CACNA2D1: variants seen among roughly 807,000 people sequenced by gnomAD.
CACNA2D1 encodes the protein calcium voltage-gated channel auxiliary subunit alpha2delta 1.
A neutral mutation model predicts 171.5 loss-of-function variants in CACNA2D1; 53 were observed. The observed-to-expected ratio is 0.31, with a 90% confidence interval of 0.25 to 0.39. CACNA2D1 has a LOEUF of 0.39. Among genes scored for constraint, CACNA2D1 ranks in the 10% least tolerant of loss-of-function variants. CACNA2D1 has a pLI of 1.00. For missense variants in CACNA2D1, 903 were observed against 1,299.8 expected, an observed-to-expected ratio of 0.69 and a Z score of 4.69; for synonymous variants, 442 against 443.1, an observed-to-expected ratio of 1.00 and a Z score of 0.03.
intron 1 of CACNA2D1, among the ~76,000 whole-genome samples, chr7:82,387,677 A>C (rs1173135942): frequency 6.6e-6 from 1 of 152,354 alleles, no homozygotes; most frequent in African/African-American, 2.4e-5. Flanking sequence ...GCACAATAGT[A>C]ATAGTTGCTT....
At position 82,136,689 on chromosome 7, in the gene CACNA2D1, AAG is replaced by A. The variant is rs1554424221; in HGVS notation, c.355-15_355-14del. On this transcript the variant is annotated splice_polypyrimidine_tract_variant and intron_variant, in intron 4 of 38. Transcript: ENST00000356860. ...CAACTTCATTGCTCTACAAAAAAAA[AAG>A]AACGCTTTATTGATTTTAATAAAAA... The A allele has an allele frequency of 9.0e-5, 140 of 1,561,140 alleles. No homozygotes were observed. The highest frequency in any genetic ancestry group is 1.2e-4 in the Non-Finnish European group (133 of 1,145,490).
intron 12 of CACNA2D1, among the ~76,000 whole-genome samples, chr7:82,018,532 T>A (rs1800784688): frequency 6.6e-6 from 1 of 152,196 alleles, no homozygotes; most frequent in South Asian, 2.1e-4. Flanking sequence ...CAGACATCCT[T>A]ACTGGAGGTA....
chr7:82,200,164 A>G (rs1170065357), intron 3 of CACNA2D1, among the ~76,000 whole-genome samples: 2 of 152,154 alleles, frequency 1.3e-5, no homozygotes, highest in Admixed American at 6.5e-5. Flanking sequence ...GCAGCAAAAT[A>G]TGGTATAGAA....
chr7:82,262,212 T>C (rs550161950), intron 3 of CACNA2D1, among the ~76,000 whole-genome samples: 81 of 152,208 alleles, frequency 5.3e-4, no homozygotes, highest in Admixed American at 2.4e-3. Context: ...GCACCTGTAG[T>C]CCCAGCTACT....
chr7:82,427,797 T>A (rs1224547024), intron 1 of CACNA2D1, among the ~76,000 whole-genome samples: 1 of 152,210 alleles, frequency 6.6e-6, no homozygotes, highest in East Asian at 1.9e-4. Flanking sequence ...TCTATGCCAT[T>A]AATATGGTAC....
chr7:82,085,851 A>C (rs568468071), intron 6 of CACNA2D1, among the ~76,000 whole-genome samples: 1 of 152,284 alleles, frequency 6.6e-6, no homozygotes, highest in African/African-American at 2.4e-5. Context: ...ATAATGTAGG[A>C]TATAATATGG....
At chr7:82,343,303 A>C (rs959347883) in intron 2 of CACNA2D1, 7 of 152,208 alleles carry the variant, frequency 4.6e-5, no homozygotes, top group East Asian at 1.9e-4. Flanking sequence ...TCTGCAGCAC[A>C]CACTGCTACT....
intron 3 of CACNA2D1, among the ~76,000 whole-genome samples, chr7:82,183,573 T>C (rs557881044): frequency 6.6e-6 from 1 of 152,186 alleles, no homozygotes; most frequent in Non-Finnish European, 1.5e-5. Context: ...TGGTTCTTCT[T>C]CTATAAAATG....
intron 1 of CACNA2D1, among the ~76,000 whole-genome samples, chr7:82,354,186 T>C (rs777296471): frequency 5.9e-5 from 9 of 152,190 alleles, no homozygotes; most frequent in Non-Finnish European, 1.0e-4. Flanking sequence ...ACATATAGTT[T>C]TCCATAGGTC....
intron 3 of CACNA2D1, among the ~76,000 whole-genome samples, chr7:82,257,877 T>C (rs985661771): frequency 9.2e-5 from 14 of 152,198 alleles, no homozygotes; most frequent in Admixed American, 4.6e-4. Context: ...TGTTTGTAGA[T>C]TTATCTTATA....
chr7:82,335,031 A>T, intron 3 of CACNA2D1, 104 bp downstream of exon 3: 1 of 793,342 alleles, frequency 1.3e-6, no homozygotes, highest in Non-Finnish European at 2.3e-6. Flanking sequence ...GAACACAGTT[A>T]CTAAGAAGAA....
intron 3 of CACNA2D1, among the ~76,000 whole-genome samples, chr7:82,215,157 C>T (rs1563211161): frequency 6.6e-6 from 1 of 152,170 alleles, no homozygotes; most frequent in Non-Finnish European, 1.5e-5. Flanking sequence ...ATGAAACTCA[C>T]CAGATACCAC....
intron 31 of CACNA2D1, 55 bp downstream of exon 31, chr7:81,967,114 A>T (rs1358390157): frequency 2.2e-6 from 3 of 1,340,058 alleles, no homozygotes; most frequent in Non-Finnish European, 3.2e-6. Context: ...TAGTCTTAGC[A>T]AGAGTAACAC....
chr7:81,992,163 T>C (rs1250414453), intron 20 of CACNA2D1, among the ~76,000 whole-genome samples: 1 of 152,074 alleles, frequency 6.6e-6, no homozygotes, highest in Non-Finnish European at 1.5e-5. Flanking sequence ...GTATAATTTT[T>C]AATTTGCTTA....
chr7:82,037,308 G>A (rs570550466), intron 11 of CACNA2D1, among the ~76,000 whole-genome samples: 4 of 152,070 alleles, frequency 2.6e-5, no homozygotes, highest in South Asian at 2.1e-4. Context: ...GTGAAACCCC[G>A]TCTCTACTAA....
At chr7:82,435,895 A>T (rs1254212301) in intron 1 of CACNA2D1, among the ~76,000 whole-genome samples, 3 of 152,180 alleles carry the variant, frequency 2.0e-5, no homozygotes, top group Non-Finnish European at 4.4e-5. Flanking sequence ...TTATAACCAG[A>T]CTTAAGCCAA....
At chr7:82,086,834 C>T (rs1810538113) in intron 6 of CACNA2D1, among the ~76,000 whole-genome samples, 1 of 151,976 alleles carries the variant, frequency 6.6e-6, no homozygotes. Flanking sequence ...TGTTTGATAA[C>T]TCAACAGCTA....
intron 6 of CACNA2D1, among the ~76,000 whole-genome samples, chr7:82,091,595 A>G (rs1811171047): frequency 6.6e-6 from 1 of 152,228 alleles, no homozygotes; most frequent in South Asian, 2.1e-4. Context: ...AGACACTAGT[A>G]TCTAATATCA....
chr7:82,329,719 G>A (rs182930188), intron 3 of CACNA2D1, among the ~76,000 whole-genome samples: 157 of 152,156 alleles, frequency 1.0e-3, no homozygotes, highest in African/African-American at 3.6e-3. Flanking sequence ...AATGATATTA[G>A]TTATATAATC....
Sources: gnomAD v4.1 joint callset for allele counts (sites outside exome capture counted in the v4.1 genomes callset) on GRCh38, gnomAD v4.1.1 for gene constraint, MANE v1.5 for transcripts, NCBI Gene and HGNC (gene_info 2026-07-23, HGNC 2026-07-21) for gene names.